Variants in RNF144A observed in about 807,000 individuals in gnomAD.
The protein encoded by RNF144A is E3 ubiquitin-protein ligase RNF144A.
RNF144A carries 11 observed loss-of-function variants against 38.7 expected under a neutral mutation model. That is an observed-to-expected ratio of 0.28 (90% confidence interval 0.18 to 0.47). The LOEUF (loss-of-function observed/expected upper bound fraction) is 0.47, where lower values mean the gene tolerates loss of function less well. Among genes scored for constraint, RNF144A ranks in the 20% least tolerant of loss-of-function variants. RNF144A has a pLI of 0.99. For missense variants in RNF144A, 316 were observed against 377.2 expected, an observed-to-expected ratio of 0.84 and a Z score of 1.34; for synonymous variants, 149 against 143.9, an observed-to-expected ratio of 1.04 and a Z score of -0.25.
intron 6 of RNF144A, among the ~76,000 whole-genome samples, chr2:7,021,482 C>A (rs1425317136): frequency 6.6e-6 from 1 of 152,178 alleles, no homozygotes; most frequent in Non-Finnish European, 1.5e-5. Flanking sequence ...CTGCCACACA[C>A]CCCTGGTCTC....
chr2:7,056,342 C>A (rs1673736638), intron 6 of RNF144A, among the ~76,000 whole-genome samples: 1 of 152,188 alleles, frequency 6.6e-6, no homozygotes, highest in Non-Finnish European at 1.5e-5. Context: ...TAACTTCTCC[C>A]ATGCTACCAT....
chr2:6,996,434 T>C (rs527427460), intron 2 of RNF144A, among the ~76,000 whole-genome samples: 1 of 152,058 alleles, frequency 6.6e-6, no homozygotes, highest in Non-Finnish European at 1.5e-5. Context: ...AGGGCAGACA[T>C]GAAAGTTACT....
intron 1 of RNF144A, among the ~76,000 whole-genome samples, chr2:6,938,889 C>A (rs913753886): frequency 6.6e-6 from 1 of 152,176 alleles, no homozygotes; most frequent in Non-Finnish European, 1.5e-5. Context: ...TCAGCATTTA[C>A]CCATGCTGTA....
chr2:7,022,941 CT>C (rs1403708657), intron 6 of RNF144A, among the ~76,000 whole-genome samples: 1 of 152,188 alleles, frequency 6.6e-6, no homozygotes. Flanking sequence ...GTTGTGTTAT[CT>C]TTCAGTAACA....
Position 6,966,769 on chromosome 2 carries a change from A to G in RNF144A, c.-12+25622A>G, listed in dbSNP as rs115515577. ...CTGAGCAGAGTGTTCTGTGAACAGG[A>G]TAATTAGGAAGTCCATAGTCAGGGC... On this transcript the variant is annotated intron_variant, in intron 2 of 8. Coordinates refer to ENST00000320892, the MANE Select transcript of RNF144A (RefSeq NM_014746.6). Among the ~76,000 whole-genome samples the G allele has an allele frequency of 5.7e-3, 873 of 152,278 alleles. 15 individuals carry two copies. Among genetic ancestry groups the G allele is most frequent in the African/African-American group, 0.02 (816 of 41,542 alleles).
At chr2:6,938,131 A>G (rs2103291767) in intron 1 of RNF144A, among the ~76,000 whole-genome samples, 1 of 152,320 alleles carries the variant, frequency 6.6e-6, no homozygotes, top group Admixed American at 6.5e-5. Context: ...GATGAACAAA[A>G]GCTATACTGA....
chr2:7,050,032 C>T (rs915381726), intron 6 of RNF144A, among the ~76,000 whole-genome samples: 3 of 152,192 alleles, frequency 2.0e-5, no homozygotes, highest in East Asian at 1.9e-4. Context: ...TTTGGTTGCA[C>T]GTTGGAAGCT....
chr2:7,014,152 C>A (rs932635083), intron 3 of RNF144A, among the ~76,000 whole-genome samples: 1 of 152,212 alleles, frequency 6.6e-6, no homozygotes, highest in African/African-American at 2.4e-5. Flanking sequence ...CCCTTGCTGC[C>A]TTTCATCTTG....
At chr2:6,990,385 TACACACACACACACACACACACACACAC>T (rs60196595) in intron 2 of RNF144A, among the ~76,000 whole-genome samples, 1 of 123,902 alleles carries the variant, frequency 8.1e-6, no homozygotes, top group African/African-American at 3.0e-5. Context: ...TATATATATT[TACACACACACACACACACACACACACAC>T]ACACACACAC....
At chr2:7,047,531 G>A (rs1008907841), downstream of RNF144A, among the ~76,000 whole-genome samples, 3 of 152,218 alleles carry the variant, frequency 2.0e-5, no homozygotes, top group Non-Finnish European at 4.4e-5. Flanking sequence ...CACGAGAATA[G>A]CGCAGGAAAG....
At chr2:6,984,368 T>A (rs1668823465) in intron 2 of RNF144A, among the ~76,000 whole-genome samples, 1 of 151,932 alleles carries the variant, frequency 6.6e-6, no homozygotes, top group Admixed American at 6.6e-5. Flanking sequence ...AGTGGTGCAA[T>A]CTCAGCTCAC....
chr2:7,048,805 G>A (rs962473301), downstream of RNF144A, among the ~76,000 whole-genome samples: 2 of 152,246 alleles, frequency 1.3e-5, no homozygotes, highest in Admixed American at 6.5e-5. Flanking sequence ...TGCTGGTGAA[G>A]TCTACTCAAC....
At position 6,941,636 on chromosome 2, in the gene RNF144A, A is replaced by G. The variant is rs1196185786; in HGVS notation, c.-12+489A>G. On this transcript the variant is annotated intron_variant, in intron 2 of 8. Transcript: ENST00000320892. The surrounding 1 kb of genome is among the most constrained non-coding windows in gnomAD (Gnocchi z 6.5). The stretch of plus-strand genomic sequence containing the variant: ...GACAGTAGCCGGAAGCAAATTATAT[A>G]CTATGCAACAAGGCCTAGATATTGT... Among the ~76,000 whole-genome samples the G allele has an allele frequency of 6.6e-6, 1 of 152,256 alleles. No individual in the cohort carries two copies. The highest frequency in any genetic ancestry group is 1.5e-5 in the Non-Finnish European group (1 of 68,040).
chr2:6,947,447 C>G (rs1176598717), intron 2 of RNF144A, among the ~76,000 whole-genome samples: 5 of 151,832 alleles, frequency 3.3e-5, no homozygotes, highest in Admixed American at 2.6e-4. Context: ...AAAATTATGT[C>G]AGGAGAATAA....
chr2:6,970,072 A>G (rs1452273166), intron 2 of RNF144A, among the ~76,000 whole-genome samples: 1 of 152,170 alleles, frequency 6.6e-6, no homozygotes, highest in Non-Finnish European at 1.5e-5. Context: ...ATCTTTTATA[A>G]AATTATACCT....
chr2:6,991,794 C>T (rs1669399133), intron 2 of RNF144A, among the ~76,000 whole-genome samples: 1 of 152,076 alleles, frequency 6.6e-6, no homozygotes, highest in Non-Finnish European at 1.5e-5. Context: ...TATACACACA[C>T]ACATACATAT....
rs1443951417 is a variant in RNF144A, at chr2:6,944,129, AG to A, written c.-12+2983del. Among the ~76,000 whole-genome samples, 9 of 152,084 alleles carry A rather than the reference AG, an allele frequency of 5.9e-5. No homozygotes were observed. Among genetic ancestry groups the A allele is most frequent in the Non-Finnish European group, 1.2e-4 (8 of 67,998 alleles). On this transcript the variant is annotated intron_variant, in intron 2 of 8. Transcript: ENST00000320892. This position sits in a 1 kb window ranked among gnomAD's most constrained non-coding sequence, Gnocchi z 4.7. ...AGGGCACTGAGACAGGGAAGTGAGG[AG>A]AGAGGACAGCGGGTCTGAGGGAGGA...
chr2:6,920,481 G>A (rs369503624), intron 1 of RNF144A, among the ~76,000 whole-genome samples: 1 of 152,168 alleles, frequency 6.6e-6, no homozygotes, highest in Admixed American at 6.5e-5. Context: ...GGATGAAGCC[G>A]TGCTCGCTGC....
In RNF144A at chr2:6,981,624, G is replaced by A. The variant is rs369829390; in HGVS notation, c.-11-15292G>A. Among the ~76,000 whole-genome samples, 227 of 152,204 alleles carry A rather than the reference G, an allele frequency of 1.5e-3. 1 individual carries two copies. The highest frequency in any genetic ancestry group is 4.9e-3 in the African/African-American group (203 of 41,532). ...CCACCTCAGCCTGAACTTCATTGTCGATACGACTGTCAGCATGTTGGTCAA... is the reference window on the plus strand; with the variant it reads ...CCACCTCAGCCTGAACTTCATTGTCAATACGACTGTCAGCATGTTGGTCAA... On this transcript the variant is annotated intron_variant, in intron 2 of 8. Coordinates refer to ENST00000320892, the MANE Select transcript of RNF144A (RefSeq NM_014746.6).
Sources: allele counts gnomAD v4.1 joint callset (sites outside exome capture counted in the v4.1 genomes callset), GRCh38; gene constraint gnomAD v4.1.1; non-coding constraint Gnocchi (gnomAD v3.1); transcripts MANE v1.5; gene names NCBI Gene and HGNC (gene_info 2026-07-23, HGNC 2026-07-21).